The following NEO1 variants were observed in gnomAD, a reference collection of about 807,000 sequenced individuals.
NEO1 encodes the protein neogenin.
NEO1 carries 63 observed loss-of-function variants against 159.7 expected under a neutral mutation model. That is an observed-to-expected ratio of 0.39 (90% CI 0.32 to 0.49). The LOEUF (loss-of-function observed/expected upper bound fraction) is 0.49, where lower values mean the gene tolerates loss of function less well. NEO1 is among the 20% of genes least tolerant of loss of function. The pLI is 0.85. For missense variants in NEO1, 1,615 were observed against 1,831.0 expected (o/e 0.88, Z 2.15); for synonymous variants, 633 against 662.0 (o/e 0.96, Z 0.67).
Position 73,128,653 on chromosome 15 carries a change from G to A in NEO1, c.878+2083G>A, listed in dbSNP as rs2030657190. Among the ~76,000 whole-genome samples the A allele has an allele frequency of 3.3e-5, 5 of 152,114 alleles. No homozygotes were observed. In the South Asian group the frequency reaches 1.0e-3, roughly 31 times the overall value. On this transcript the variant is annotated intron_variant, in intron 4 of 28. Coordinates refer to ENST00000261908, the MANE Select transcript of NEO1 (RefSeq NM_002499.4). Reference sequence around the variant, plus strand: ...AAAAATTTAAAAATGTCAGTTTATGGTAAGTGCTATGAAGAAAAGACAAAT... The same window carrying A: ...AAAAATTTAAAAATGTCAGTTTATGATAAGTGCTATGAAGAAAAGACAAAT...
chr15:73,299,668 A>T (rs1259626689), intron 27 of NEO1, among the ~76,000 whole-genome samples: 4 of 152,262 alleles, frequency 2.6e-5, no homozygotes, highest in African/African-American at 9.6e-5. Context: ...TATAGGCGTG[A>T]GCCACTGCGC....
Position 73,083,093 on chromosome 15 carries a change from G to C in NEO1, c.130+30288G>C, listed in dbSNP as rs1211602499. On this transcript the variant is annotated intron_variant, in intron 1 of 28. Transcript: ENST00000261908. ...GGAGCAAATAATTCAGGGCCTTGTTGGATGTGTATCAAGGACTTTGGACTT... is the reference window on the plus strand; with the variant it reads ...GGAGCAAATAATTCAGGGCCTTGTTCGATGTGTATCAAGGACTTTGGACTT... Among the ~76,000 whole-genome samples the C allele has an allele frequency of 2.0e-5, 3 of 152,190 alleles. No individual in the cohort carries two copies. In the East Asian group the frequency reaches 5.8e-4, roughly 29 times the overall value.
chr15:73,089,398 A>C (rs1453808777), intron 1 of NEO1, among the ~76,000 whole-genome samples: 1 of 152,086 alleles, frequency 6.6e-6, no homozygotes, highest in Non-Finnish European at 1.5e-5. Context: ...TTTTTTCTGC[A>C]TATAAATGAA....
chr15:73,085,488 A>G (rs62016803), intron 1 of NEO1, among the ~76,000 whole-genome samples: 47,733 of 152,010 alleles, frequency 0.31, 9,128 homozygotes, highest in Admixed American at 0.45. Context: ...TCTAGGGCAT[A>G]TATCTCAGAG....
At chr15:73,282,225 T>A (rs1348844363) in intron 22 of NEO1, among the ~76,000 whole-genome samples, 2 of 152,212 alleles carry the variant, frequency 1.3e-5, no homozygotes, top group East Asian at 3.9e-4. Context: ...ACCCAGACAC[T>A]CTGTATCATA....
intron 7 of NEO1, among the ~76,000 whole-genome samples, chr15:73,207,928 G>C (rs1241240986): frequency 6.6e-6 from 1 of 152,170 alleles, no homozygotes; most frequent in Admixed American, 6.5e-5. Context: ...ATGGCAAATA[G>C]TTTTAGAACT....
chr15:73,081,317 A>G (rs1342455566), intron 1 of NEO1, among the ~76,000 whole-genome samples: 1 of 152,154 alleles, frequency 6.6e-6, no homozygotes, highest in African/African-American at 2.4e-5. Flanking sequence ...CTGCATTTTA[A>G]TATTCTGTTC....
chr15:73,122,663 A>T lies in NEO1; in HGVS notation c.587A>T (p.Asp196Val). Residue 196 changes from aspartate (D) to valine (V), a missense_variant, in exon 3 of 29, where the codon GAT (aspartate) becomes GTT (valine). Transcript: ENST00000261908. The stretch of plus-strand genomic sequence containing the variant: ...AACAGACAACCCCTTCTTCTGGATG[A>T]TAGAGTTATCAAACTTCCAAGTGGA... ...EQNRQPLLLD[D>V]RVIKLPSGML... 1 of 1,614,166 alleles carries T rather than the reference A, an allele frequency of 6.2e-7. No homozygotes were observed. Among genetic ancestry groups the T allele is most frequent in the South Asian group, 1.1e-5 (1 of 91,088 alleles).
chr15:73,064,804 G>T (rs1373964865), intron 1 of NEO1, among the ~76,000 whole-genome samples: 1 of 152,106 alleles, frequency 6.6e-6, no homozygotes, highest in Non-Finnish European at 1.5e-5. Flanking sequence ...GTAGCACGTG[G>T]TTAGGTTTTG....
chr15:73,116,600 C>CAGTT lies in NEO1; in HGVS notation c.194_197dup (p.Arg66SerfsTer2), dbSNP rs759475739. 2 of 1,598,898 alleles carry CAGTT rather than the reference C, an allele frequency of 1.3e-6. No homozygotes were observed. The highest frequency in any genetic ancestry group is 3.5e-5 in the Admixed American group (2 of 56,590). Reference sequence around the variant, plus strand: ...CTGGTGGAGCCGGTGGATACACTCTCAGTTAGAGGCTCTTCTGTTATATTA... The same window carrying CAGTT: ...CTGGTGGAGCCGGTGGATACACTCTCAGTTAGTTAGAGGCTCTTCTGTTATATTA... On this transcript the variant is annotated frameshift_variant, in exon 2 of 29. Coordinates refer to ENST00000261908, the MANE Select transcript of NEO1 (RefSeq NM_002499.4). LOFTEE classifies it high-confidence loss of function.
Position 73,283,099 on chromosome 15 carries a change from C to T in NEO1, c.3398C>T (p.Ser1133Phe). ...GTCTTTTGTACCCGTCGTACCACCT[C>T]TCACCAGAAAAAGTAAGAAGCCCCA... The part of the protein sequence containing the change: ...IAVFCTRRTT[S>F]HQKKKRAACK... Residue 1133 changes from serine to phenylalanine, a missense_variant, in exon 23 of 29, where the codon TCT (serine) becomes TTT (phenylalanine). Ser to Phe is a radical substitution (Grantham distance 155). Coordinates refer to ENST00000261908, the MANE Select transcript of NEO1 (RefSeq NM_002499.4). The T allele has an allele frequency of 1.3e-5, 21 of 1,614,068 alleles. No individual in the cohort carries two copies. Among genetic ancestry groups the T allele is most frequent in the Non-Finnish European group, 1.8e-5 (21 of 1,180,012 alleles).
chr15:73,203,376 G>A (rs1403230315), intron 7 of NEO1, among the ~76,000 whole-genome samples: 4 of 151,938 alleles, frequency 2.6e-5, no homozygotes, highest in Non-Finnish European at 5.9e-5. Flanking sequence ...GAATTTTCTT[G>A]TAGACAGCAC....
intron 23 of NEO1, among the ~76,000 whole-genome samples, chr15:73,287,940 A>G (rs1256669765): frequency 6.6e-6 from 1 of 151,682 alleles, no homozygotes; most frequent in Non-Finnish European, 1.5e-5. Flanking sequence ...CTTTCCCTCT[A>G]CTCCATTGTT....
intron 1 of NEO1, among the ~76,000 whole-genome samples, chr15:73,086,282 C>T (rs2069353715): frequency 6.6e-6 from 1 of 152,190 alleles, no homozygotes; most frequent in African/African-American, 2.4e-5. Flanking sequence ...TTCCATTGAT[C>T]TATATATCTG....
rs1595808005 is a variant in NEO1 at position 73,302,603 on chromosome 15, T to C, written c.4303-10T>C. On this transcript the variant is annotated splice_polypyrimidine_tract_variant and intron_variant, in intron 28 of 28. Coordinates refer to ENST00000261908, the MANE Select transcript of NEO1 (RefSeq NM_002499.4). ...GATCCAGCCCAGTAACAGTGTTTTC[T>C]TTTCCATAGAGCTATGAACCAGATG... 6.2e-7 allele frequency: 1 copy of C among 1,613,152 alleles called. No individual in the cohort carries two copies. The highest frequency in any genetic ancestry group is 1.3e-5 in the African/African-American group (1 of 75,034).
rs140022028 is a variant in NEO1, at chr15:73,073,714, G to A, written c.130+20909G>A. On this transcript the variant is annotated intron_variant, in intron 1 of 28. Coordinates refer to ENST00000261908, the MANE Select transcript of NEO1 (RefSeq NM_002499.4). ...GAGGCAGTGAGGCCTTTTGCTGTAC[G>A]TGATAAGCAGGAAATGGTTTTCAGG... 8.7e-4 allele frequency among the ~76,000 whole-genome samples: 133 copies of A among 152,264 alleles called. 3 individuals carry two copies. In the East Asian group the frequency reaches 0.023, roughly 26 times the overall value.
intron 16 of NEO1, among the ~76,000 whole-genome samples, chr15:73,268,703 G>A (rs1435049595): frequency 2.0e-5 from 3 of 152,218 alleles, no homozygotes; most frequent in Non-Finnish European, 2.9e-5. Flanking sequence ...AAATCAGTAT[G>A]TGTAAACTTA....
intron 8 of NEO1, among the ~76,000 whole-genome samples, chr15:73,239,151 T>C (rs1480577919): frequency 6.6e-6 from 1 of 152,156 alleles, no homozygotes; most frequent in Non-Finnish European, 1.5e-5. Flanking sequence ...GGCCAAGTTA[T>C]CATTTTTCAT....
chr15:73,284,230 T>C (rs981129661), intron 23 of NEO1, among the ~76,000 whole-genome samples: 13 of 152,332 alleles, frequency 8.5e-5, no homozygotes, highest in African/African-American at 2.9e-4. Flanking sequence ...AAAATGACTT[T>C]AGTTGCAATA....
Sources: allele counts gnomAD v4.1 joint callset (sites outside exome capture counted in the v4.1 genomes callset), GRCh38; gene constraint gnomAD v4.1.1; transcripts MANE v1.5; gene names NCBI Gene and HGNC (gene_info 2026-07-23, HGNC 2026-07-21).